Variants in RIMS1 observed in about 807,000 individuals in gnomAD.
RIMS1 encodes the protein regulating synaptic membrane exocytosis 1.
A neutral mutation model predicts 214.1 loss-of-function variants in RIMS1; 83 were observed. The ratio of observed to expected loss-of-function variants is 0.39; its 90% confidence interval spans 0.32 to 0.47. The LOEUF is 0.47. Among genes scored for constraint, RIMS1 ranks in the 20% least tolerant of loss-of-function variants. The pLI is 0.99. For missense variants in RIMS1, 2,050 were observed against 2,161.8 expected (o/e 0.95, Z 1.03); for synonymous variants, 793 against 786.8 (o/e 1.01, Z -0.13).
In RIMS1 at chr6:72,182,426, C is replaced by G. The variant is rs1234778503; in HGVS notation, c.955C>G (p.Leu319Val). 2 of 1,613,738 alleles carry G rather than the reference C, an allele frequency of 1.2e-6. No individual in the cohort carries two copies. Among genetic ancestry groups the G allele is most frequent in the African/African-American group, 2.7e-5 (2 of 74,922 alleles). ...CAAAGAAAGGCGGGAAAGCCGAAGG[C>G]TTGAGAAAGGGCGATCACAGGATTA... ...ERKERRESRRLEKGRSQDYPD... is the reference protein window; with the variant it reads ...ERKERRESRRVEKGRSQDYPD... The change falls in exon 6 of 34, where the codon CTT becomes GTT. Residue 319 changes from leucine (L) to valine (V), a missense_variant. By Grantham distance (32) the Leu-to-Val change is conservative. Coordinates refer to ENST00000521978, the MANE Select transcript of RIMS1 (RefSeq NM_014989.7).
chr6:72,334,437 T>C (rs1216813193), intron 29 of RIMS1, among the ~76,000 whole-genome samples: 3 of 151,882 alleles, frequency 2.0e-5, no homozygotes, highest in African/African-American at 7.2e-5. Context: ...AAAAGCTTAA[T>C]GTCCTAAAGG....
intron 9 of RIMS1, among the ~76,000 whole-genome samples, chr6:72,241,244 G>A (rs562448964): frequency 1.3e-5 from 2 of 152,174 alleles, no homozygotes; most frequent in African/African-American, 4.8e-5. Flanking sequence ...TGATGATATT[G>A]ATCCAGTATT....
At chr6:72,023,342 T>C (rs189701135) in intron 2 of RIMS1, among the ~76,000 whole-genome samples, 44 of 152,270 alleles carry the variant, frequency 2.9e-4, no homozygotes, top group Middle Eastern at 3.4e-3. Context: ...TCTAATGTAA[T>C]TGAAGTTTTT....
intron 2 of RIMS1, among the ~76,000 whole-genome samples, chr6:72,010,948 T>A (rs548302653): frequency 6.6e-6 from 1 of 152,144 alleles, no homozygotes; most frequent in Non-Finnish European, 1.5e-5. Flanking sequence ...AAGCTACCAA[T>A]GACTTTCTTC....
chr6:72,300,577 A>C lies in RIMS1; in HGVS notation c.3851-6681A>C, dbSNP rs186690419. Among the ~76,000 whole-genome samples the C allele has an allele frequency of 1.1e-3, 169 of 151,880 alleles. 1 individual carries two copies. The highest frequency in any genetic ancestry group is 3.7e-3 in the African/African-American group (154 of 41,532). On this transcript the variant is annotated intron_variant, in intron 26 of 33. Coordinates refer to ENST00000521978, the MANE Select transcript of RIMS1 (RefSeq NM_014989.7). Reference sequence around the variant, plus strand: ...TGATTGGTTTTGTTATCCCCCAAAGAAGGCTTAATTACACAGGTTGCTTTT... The same window carrying C: ...TGATTGGTTTTGTTATCCCCCAAAGCAGGCTTAATTACACAGGTTGCTTTT...
At chr6:72,302,234 A>G (rs1479729210) in intron 26 of RIMS1, among the ~76,000 whole-genome samples, 2 of 151,512 alleles carry the variant, frequency 1.3e-5, no homozygotes, top group African/African-American at 2.4e-5. Flanking sequence ...ATTTTGCCAC[A>G]TTGATTCCAG....
chr6:72,340,212 A>AC (rs1423921593), intron 29 of RIMS1, among the ~76,000 whole-genome samples: 1 of 151,816 alleles, frequency 6.6e-6, no homozygotes, highest in Non-Finnish European at 1.5e-5. Context: ...TAGGTTGCAA[A>AC]ATTTTCTCCC....
chr6:72,042,029 A>C (rs1821593898), intron 2 of RIMS1, among the ~76,000 whole-genome samples: 1 of 151,924 alleles, frequency 6.6e-6, no homozygotes, highest in African/African-American at 2.4e-5. Flanking sequence ...TTTGTATCTG[A>C]GAAGCCCAAG....
intron 1 of RIMS1, among the ~76,000 whole-genome samples, chr6:71,890,581 A>AAAAAAC (rs1769393531): frequency 7.0e-6 from 1 of 143,548 alleles, no homozygotes; most frequent in Admixed American, 7.0e-5. Flanking sequence ...AAAAAAAAAA[A>AAAAAAC]AAAAAAAAAA....
intron 29 of RIMS1, among the ~76,000 whole-genome samples, chr6:72,351,810 A>G (rs2097457563): frequency 6.6e-6 from 1 of 152,140 alleles, no homozygotes; most frequent in South Asian, 2.1e-4. Flanking sequence ...AAAAATATTT[A>G]ATTTGGACTT....
At position 72,015,708 on chromosome 6, in the gene RIMS1, C is replaced by T. The variant is rs560780703; in HGVS notation, c.245+46645C>T. On this transcript the variant is annotated intron_variant, in intron 2 of 33. Coordinates refer to ENST00000521978, the MANE Select transcript of RIMS1 (RefSeq NM_014989.7). ...TTGGGAGGCTGAGGCAGGCAGATCA[C>T]GAGGTCAGGAGATCGAGACCATCCT... Among the ~76,000 whole-genome samples, 224 of 152,124 alleles carry T rather than the reference C, an allele frequency of 1.5e-3. 2 individuals are homozygous for T. The highest frequency in any genetic ancestry group is 4.6e-3 in the African/African-American group (191 of 41,510).
At chr6:71,967,346 C>T (rs530775109) in intron 1 of RIMS1, among the ~76,000 whole-genome samples, 1 of 152,052 alleles carries the variant, frequency 6.6e-6, no homozygotes, top group Admixed American at 6.5e-5. Context: ...AGAGATTGCA[C>T]CACTGCACTC....
chr6:72,174,350 A>G (rs2496496), intron 4 of RIMS1, among the ~76,000 whole-genome samples: 105,395 of 152,102 alleles, frequency 0.69, 36,994 homozygotes, highest in East Asian at 0.84. Context: ...AGATTTTAAA[A>G]TGCAGAATTG....
Position 72,353,229 on chromosome 6 carries a change from C to T in RIMS1, c.4366+19394C>T, listed in dbSNP as rs573898977. On this transcript the variant is annotated intron_variant, in intron 29 of 33. Coordinates refer to ENST00000521978, the MANE Select transcript of RIMS1 (RefSeq NM_014989.7). The stretch of plus-strand genomic sequence containing the variant: ...CGAACTCCTGACCTCGGGTGATCCA[C>T]CAGCCTCAGCCTCCCAAAGTGCTGG... 8.5e-5 allele frequency among the ~76,000 whole-genome samples: 13 copies of T among 152,158 alleles called. No homozygotes were observed. The East Asian group carries it at 2.5e-3, about 29-fold the overall frequency.
intron 10 of RIMS1, among the ~76,000 whole-genome samples, chr6:72,243,432 A>G (rs2067904273): frequency 6.6e-6 from 1 of 151,794 alleles, no homozygotes. Context: ...TTAAGAGTGA[A>G]CACTGAAGAC....
At chr6:72,252,952 A>G in intron 16 of RIMS1, 120 bp downstream of exon 16, 1 of 683,354 alleles carries the variant, frequency 1.5e-6, no homozygotes, top group Admixed American at 2.6e-5. Context: ...AATCAGTATT[A>G]TATTATTCCA....
chr6:71,989,356 T>G (rs763265290), intron 2 of RIMS1, among the ~76,000 whole-genome samples: 3 of 152,198 alleles, frequency 2.0e-5, no homozygotes, highest in Non-Finnish European at 4.4e-5. Context: ...AAATCTTCAC[T>G]AACAACATCT....
At chr6:72,332,619 G>A (rs935382564) in intron 28 of RIMS1, among the ~76,000 whole-genome samples, 1 of 150,112 alleles carries the variant, frequency 6.7e-6, no homozygotes. Context: ...ACACCAGCAT[G>A]GCACATGTAT....
chr6:71,992,570 T>G (rs1802115416), intron 2 of RIMS1, among the ~76,000 whole-genome samples: 3 of 149,730 alleles, frequency 2.0e-5, no homozygotes, highest in African/African-American at 7.4e-5. Context: ...CTTCTTCTTC[T>G]TCTTCTTCCT....
Sources: allele counts gnomAD v4.1 joint callset (sites outside exome capture counted in the v4.1 genomes callset), GRCh38; gene constraint gnomAD v4.1.1; transcripts MANE v1.5; gene names NCBI Gene and HGNC (gene_info 2026-07-23, HGNC 2026-07-21).